Variants in PRKCA observed in about 807,000 individuals in gnomAD.
The protein encoded by PRKCA is protein kinase C alpha type.
PRKCA carries 27 observed loss-of-function variants against 87.0 expected under a neutral mutation model. The ratio of observed to expected loss-of-function variants is 0.31; its 90% CI spans 0.23 to 0.43. PRKCA has a LOEUF of 0.43. PRKCA is among the 20% of genes least tolerant of loss of function. PRKCA has a pLI of 1.00. For synonymous variants in PRKCA, 329 were observed against 311.1 expected (o/e 1.06, Z -0.61); for missense variants, 518 against 852.3 (o/e 0.61, Z 4.88).
chr17:66,662,380 A>G (rs1971930892), intron 5 of PRKCA, among the ~76,000 whole-genome samples: 2 of 152,242 alleles, frequency 1.3e-5, no homozygotes, highest in South Asian at 2.1e-4. Context: ...TTCTACTGAC[A>G]GTTTTGCCAA....
intron 3 of PRKCA, among the ~76,000 whole-genome samples, chr17:66,591,331 T>TA (rs1454110676): frequency 2.6e-5 from 4 of 151,496 alleles, no homozygotes; most frequent in African/African-American, 9.7e-5. Context: ...TTTTTTTTTT[T>TA]TTATTTTAGT....
rs55779501 is a variant in PRKCA, at chr17:66,437,731, T to TTTTTTTTGG, written c.206-58470_206-58469insTTTTTTTGG. Among the ~76,000 whole-genome samples, 26 of 11,130 alleles carry TTTTTTTTGG rather than the reference T, an allele frequency of 2.3e-3. 1 individual carries two copies. The highest frequency in any genetic ancestry group is 5.5e-3 in the African/African-American group (14 of 2,532). 7.3% of individuals were successfully genotyped at this position (11,130 alleles called of 152,430 possible). A position where few individuals can be genotyped will look rare whatever the true frequency, so the allele number is the denominator to read the frequency against. On this transcript the variant is annotated intron_variant, in intron 2 of 16. Coordinates refer to ENST00000413366, the MANE Select transcript of PRKCA (RefSeq NM_002737.3). ...TTGTTTCAAGTTTCCTTTTTTTTTT[T>TTTTTTTTGG]GAGCGGGGGGTGGGTGGGGCGGGGG...
chr17:66,758,967 G>A (rs1210038180), intron 13 of PRKCA, among the ~76,000 whole-genome samples: 5 of 152,086 alleles, frequency 3.3e-5, no homozygotes, highest in East Asian at 3.8e-4. Context: ...TGAAATGAAC[G>A]AGAGCAGTGA....
intron 3 of PRKCA, among the ~76,000 whole-genome samples, chr17:66,596,592 T>TTTTTTTTA (rs1555624580): frequency 7.9e-6 from 1 of 126,308 alleles, no homozygotes; most frequent in Non-Finnish European, 1.7e-5. Flanking sequence ...TTTTTTTTTT[T>TTTTTTTTA]ATTATACTCT....
chr17:66,436,995 A>T (rs1913429794), intron 2 of PRKCA, among the ~76,000 whole-genome samples: 1 of 152,288 alleles, frequency 6.6e-6, no homozygotes, highest in South Asian at 2.1e-4. Flanking sequence ...AGTTTATGGG[A>T]TATGGGAACC....
At chr17:66,402,524 A>G (rs910255560) in intron 2 of PRKCA, among the ~76,000 whole-genome samples, 9 of 151,626 alleles carry the variant, frequency 5.9e-5, no homozygotes, top group Middle Eastern at 3.4e-3. Flanking sequence ...GGCTTGCTCC[A>G]TATCACCTAC....
At position 66,694,767 on chromosome 17, in the gene PRKCA, T is replaced by TAAA. The variant is rs746908582; in HGVS notation, c.918+5742_918+5744dup. ...ATGCTACATTCACATTTCCAATGGTTAAAAAAAAAAAAAAAAAAAAAAAAG... is the reference window on the plus strand; with the variant it reads ...ATGCTACATTCACATTTCCAATGGTTAAAAAAAAAAAAAAAAAAAAAAAAAAAG... On this transcript the variant is annotated intron_variant, in intron 8 of 16. Transcript: ENST00000413366. Among the ~76,000 whole-genome samples, 4 of 117,484 alleles carry TAAA rather than the reference T, an allele frequency of 3.4e-5. No individual in the cohort carries two copies. In the South Asian group the frequency reaches 1.2e-3, roughly 35 times the overall value. 77.1% of individuals were successfully genotyped at this position (117,484 alleles called of 152,430 possible). A position where few individuals can be genotyped will look rare whatever the true frequency, so the allele number is the denominator to read the frequency against.
intron 2 of PRKCA, among the ~76,000 whole-genome samples, chr17:66,444,253 G>T (rs1478480972): frequency 1.3e-5 from 2 of 152,212 alleles, no homozygotes; most frequent in African/African-American, 4.8e-5. Context: ...GTTGAACAGG[G>T]TCTAGTTCCT....
At chr17:66,775,220 G>T (rs746966203) in intron 14 of PRKCA, 2 of 970,162 alleles carry the variant, frequency 2.1e-6, no homozygotes, top group East Asian at 2.4e-4. Flanking sequence ...CCATGTGGGG[G>T]TGGGGCACTG....
intron 4 of PRKCA, 37 bp from the exon 5 acceptor site, chr17:66,645,346 A>G: frequency 1.9e-6 from 3 of 1,613,750 alleles, no homozygotes; most frequent in Admixed American, 1.7e-5. Context: ...GTTGGAGTCC[A>G]TATGCCCAGC....
intron 3 of PRKCA, among the ~76,000 whole-genome samples, chr17:66,640,474 T>TA (rs1436508705): frequency 6.6e-6 from 1 of 152,236 alleles, no homozygotes; most frequent in Non-Finnish European, 1.5e-5. Flanking sequence ...TCAGTGCCTT[T>TA]ACGATTTTCA....
intron 3 of PRKCA, among the ~76,000 whole-genome samples, chr17:66,639,707 A>G (rs1020525868): frequency 6.6e-6 from 1 of 151,784 alleles, no homozygotes; most frequent in African/African-American, 2.4e-5. Context: ...ATATTAATAA[A>G]CAGAGGAGGC....
At chr17:66,572,269 C>A (rs1032672074) in intron 3 of PRKCA, among the ~76,000 whole-genome samples, 2 of 152,168 alleles carry the variant, frequency 1.3e-5, no homozygotes, top group Non-Finnish European at 2.9e-5. Context: ...GAGTTCGAGA[C>A]CAGCCTGCCC....
Position 66,447,939 on chromosome 17 carries a change from C to CT in PRKCA, c.206-48257dup, listed in dbSNP as rs538594777. Among the ~76,000 whole-genome samples, 229 of 152,288 alleles carry CT rather than the reference C, an allele frequency of 1.5e-3. 1 individual carries two copies. Among genetic ancestry groups the CT allele is most frequent in the African/African-American group, 5.1e-3 (214 of 41,564 alleles). On this transcript the variant is annotated intron_variant, in intron 2 of 16. Transcript: ENST00000413366. ...CTTTCCAGAGCATCGTGTGTGGACC[C>CT]TTTTTGTCGTGTAGTTATTTGGTTA...
At chr17:66,411,827 T>G (rs4486944) in intron 2 of PRKCA, among the ~76,000 whole-genome samples, 89,942 of 150,406 alleles carry the variant, frequency 0.6, 27,037 homozygotes, top group Non-Finnish European at 0.66. Flanking sequence ...ACCCTGACTG[T>G]GCTGCAGGGA....
At chr17:66,534,939 A>G (rs1478714088) in intron 3 of PRKCA, among the ~76,000 whole-genome samples, 3 of 152,198 alleles carry the variant, frequency 2.0e-5, no homozygotes, top group Non-Finnish European at 4.4e-5. Context: ...GGATTAGAGT[A>G]TAAAGAATGC....
chr17:66,465,169 A>C (rs1915031785), intron 2 of PRKCA, among the ~76,000 whole-genome samples: 1 of 152,184 alleles, frequency 6.6e-6, no homozygotes, highest in African/African-American at 2.4e-5. Flanking sequence ...CCACAACTTA[A>C]CATTTGCAGA....
At position 66,804,321 on chromosome 17, in the gene PRKCA, G is replaced by C. The variant is rs1218912724; in HGVS notation, c.*284G>C. ...GTTAACCCTTCCTAGAAAGCAAGCAGACTGTTGCCCCATTTTGGGTACAAT... is the reference window on the plus strand; with the variant it reads ...GTTAACCCTTCCTAGAAAGCAAGCACACTGTTGCCCCATTTTGGGTACAAT... On this transcript the variant is annotated 3_prime_UTR_variant, in exon 17 of 17. Coordinates refer to ENST00000413366, the MANE Select transcript of PRKCA (RefSeq NM_002737.3). The C allele has an allele frequency of 3.3e-6, 1 of 306,412 alleles. No homozygotes were observed. The highest frequency in any genetic ancestry group is 2.2e-5 in the African/African-American group (1 of 46,468). The allele number at this position is 306,412 out of a possible 1,614,324, so 19.0% of individuals were successfully genotyped here.
At chr17:66,590,346 G>A (rs763504099) in intron 3 of PRKCA, among the ~76,000 whole-genome samples, 1 of 152,130 alleles carries the variant, frequency 6.6e-6, no homozygotes, top group Non-Finnish European at 1.5e-5. Context: ...AAAACCTCTT[G>A]CACTTCAGTC....
Sources: gnomAD v4.1 joint callset for allele counts (sites outside exome capture counted in the v4.1 genomes callset) on GRCh38, gnomAD v4.1.1 for gene constraint, MANE v1.5 for transcripts, NCBI Gene and HGNC (gene_info 2026-07-23, HGNC 2026-07-21) for gene names.